Variants in SCML4 observed in about 807,000 individuals in gnomAD.
The protein encoded by SCML4 is Scm polycomb group protein like 4.
A neutral mutation model predicts 41.1 loss-of-function variants in SCML4; 34 were observed. The observed-to-expected ratio is 0.83, with a 90% CI of 0.63 to 1.10. The LOEUF (loss-of-function observed/expected upper bound fraction) is 1.10. Ranked by LOEUF, SCML4 falls within the 50% of genes least tolerant of loss-of-function variation. The pLI is 0.00. For synonymous variants in SCML4, 214 were observed against 220.9 expected (o/e 0.97, Z 0.28); for missense variants, 522 against 534.1 (o/e 0.98, Z 0.22).
intron 1 of SCML4, among the ~76,000 whole-genome samples, chr6:107,786,422 C>A (rs974828797): frequency 1.3e-5 from 2 of 152,202 alleles, no homozygotes; most frequent in Admixed American, 6.5e-5. Context: ...GCTCCTCCCC[C>A]ACAGTCTTGC....
intron 5 of SCML4, among the ~76,000 whole-genome samples, chr6:107,723,815 A>G (rs185611040): frequency 4.8e-4 from 73 of 152,298 alleles, no homozygotes; most frequent in African/African-American, 1.7e-3. Flanking sequence ...ACTTCTACGA[A>G]GCCAGGATTA....
chr6:107,803,740 G>A (rs1295738342), intron 1 of SCML4, among the ~76,000 whole-genome samples: 4 of 149,944 alleles, frequency 2.7e-5, no homozygotes, highest in Non-Finnish European at 5.9e-5. Context: ...CTGTTGATCT[G>A]TGACCTTACC....
At chr6:107,731,748 C>T (rs1168152859) in intron 5 of SCML4, among the ~76,000 whole-genome samples, 1 of 152,218 alleles carries the variant, frequency 6.6e-6, no homozygotes, top group Non-Finnish European at 1.5e-5. Flanking sequence ...GATTCCTAGC[C>T]CTGAAACCCA....
At position 107,796,236 on chromosome 6, in the gene SCML4, A is replaced by G. The variant is rs115298559; in HGVS notation, c.-59-23850T>C. 3.8e-3 allele frequency among the ~76,000 whole-genome samples: 581 copies of G among 152,262 alleles called. 6 individuals are homozygous for G. Among genetic ancestry groups the G allele is most frequent in the African/African-American group, 0.013 (547 of 41,552 alleles). On this transcript the variant is annotated intron_variant, in intron 1 of 7. Coordinates refer to ENST00000369020, the MANE Select transcript of SCML4 (RefSeq NM_198081.5). ...CGTAGGGTAGGTTATGTTTAACTTT[A>G]TAAAGAACTGCCAATTTTCCAATGG...
At chr6:107,743,477 T>C (rs1777776007) in intron 5 of SCML4, among the ~76,000 whole-genome samples, 1 of 152,232 alleles carries the variant, frequency 6.6e-6, no homozygotes, top group Non-Finnish European at 1.5e-5. Flanking sequence ...CTATTCTCAT[T>C]GCAACACTCA....
At chr6:107,714,814 T>C (rs2114372813) in intron 6 of SCML4, among the ~76,000 whole-genome samples, 1 of 152,028 alleles carries the variant, frequency 6.6e-6, no homozygotes, top group South Asian at 2.1e-4. Context: ...TGTCATTCCA[T>C]AAATGGCCAG....
chr6:107,744,939 C>T lies in SCML4; in HGVS notation c.682+10G>A, dbSNP rs1177168353. ...GTCCCTGCAGGTGGGGGAAGCAGGA[C>T]AAGGCCTACCTGATTCCATCCTCCC... On this transcript the variant is annotated intron_variant, in intron 5 of 7. Coordinates refer to ENST00000369020, the MANE Select transcript of SCML4 (RefSeq NM_198081.5). The T allele has an allele frequency of 1.9e-6, 3 of 1,587,312 alleles. No individual in the cohort carries two copies. The highest frequency in any genetic ancestry group is 2.3e-5 in the South Asian group (2 of 86,770).
intron 1 of SCML4, among the ~76,000 whole-genome samples, chr6:107,804,855 A>T (rs1213783604): frequency 6.6e-6 from 1 of 152,184 alleles, no homozygotes; most frequent in Non-Finnish European, 1.5e-5. Context: ...CTGTGGTCCC[A>T]GCTGCTTGGG....
intron 1 of SCML4, among the ~76,000 whole-genome samples, chr6:107,784,480 A>G (rs931539037): frequency 6.6e-6 from 1 of 152,238 alleles, no homozygotes; most frequent in Non-Finnish European, 1.5e-5. Flanking sequence ...TTTCACATCT[A>G]TACATGCATG....
chr6:107,837,905 CT>C, the SCML4 span, among the ~76,000 whole-genome samples: 72,156 of 114,578 alleles, frequency 0.63, 23,076 homozygotes, highest in South Asian at 0.77. Flanking sequence ...TTATGATTTT[CT>C]TTTTTTTTTT....
chr6:107,744,924 G>T, intron 5 of SCML4, 25 bp downstream of exon 5: 3 of 1,545,300 alleles, frequency 1.9e-6, no homozygotes, highest in Non-Finnish European at 1.8e-6. Context: ...GTCCCTGCAG[G>T]TGGGGGAAGC....
At chr6:107,798,897 G>A (rs1461773291) in intron 1 of SCML4, among the ~76,000 whole-genome samples, 2 of 151,894 alleles carry the variant, frequency 1.3e-5, no homozygotes, top group Non-Finnish European at 2.9e-5. Context: ...ACATATTTGG[G>A]GTTTTCCTGA....
At chr6:107,747,089 G>T (rs183244942) in intron 3 of SCML4, among the ~76,000 whole-genome samples, 200 bp from the exon 4 acceptor site, 387 of 152,348 alleles carry the variant, frequency 2.5e-3, no homozygotes, top group Admixed American at 5.7e-3. Flanking sequence ...AAGTGCCAGG[G>T]CCTGACCTCG....
the SCML4 span, among the ~76,000 whole-genome samples, chr6:107,841,388 C>T: frequency 0.46 from 69,280 of 152,116 alleles, 18,324 homozygotes; most frequent in East Asian, 0.69. Context: ...AGTTGTAAAT[C>T]GGCCAAGTAC....
At position 107,760,126 on chromosome 6, in the gene SCML4, T is replaced by C. The variant is rs1242085517; in HGVS notation, c.157-10313A>G. On this transcript the variant is annotated intron_variant, in intron 2 of 7. Transcript: ENST00000369020. The stretch of plus-strand genomic sequence containing the variant: ...TAAAGAATTTGAGTCAAAACCAGTG[T>C]TAGCACCATATTTGGAATGTTAATT... Among the ~76,000 whole-genome samples the C allele has an allele frequency of 5.9e-5, 9 of 152,198 alleles. No individual in the cohort carries two copies. In the East Asian group the frequency reaches 1.7e-3, roughly 29 times the overall value.
chr6:107,705,129 G>A lies in SCML4; in HGVS notation c.*71C>T, dbSNP rs1401458054. ...GAGAGTCTAGTTTGTGATGTTGGCGGGATATTGGTAAGGCAGAAGATAATC... is the reference window on the plus strand; with the variant it reads ...GAGAGTCTAGTTTGTGATGTTGGCGAGATATTGGTAAGGCAGAAGATAATC... On this transcript the variant is annotated 3_prime_UTR_variant, in exon 8 of 8. Coordinates refer to ENST00000369020, the MANE Select transcript of SCML4 (RefSeq NM_198081.5). 7.4e-7 allele frequency: 1 copy of A among 1,352,488 alleles called. No individual in the cohort carries two copies. Among genetic ancestry groups the A allele is most frequent in the East Asian group, 2.5e-5 (1 of 40,022 alleles). 83.8% of individuals were successfully genotyped at this position (1,352,488 alleles called of 1,614,324 possible).
chr6:107,803,412 T>G (rs1195211110), intron 1 of SCML4, among the ~76,000 whole-genome samples: 2 of 143,594 alleles, frequency 1.4e-5, no homozygotes, highest in Admixed American at 6.7e-5. Flanking sequence ...AGCCGCCCCA[T>G]CCGGGAGGGA....
At chr6:107,762,538 T>C (rs1779681897) in intron 2 of SCML4, among the ~76,000 whole-genome samples, 1 of 152,200 alleles carries the variant, frequency 6.6e-6, no homozygotes, top group Non-Finnish European at 1.5e-5. Context: ...TTGCAGATGG[T>C]TGAGTTAAGA....
At chr6:107,709,893 A>G (rs1228243716) in intron 6 of SCML4, among the ~76,000 whole-genome samples, 1 of 152,070 alleles carries the variant, frequency 6.6e-6, no homozygotes, top group East Asian at 1.9e-4. Flanking sequence ...GTATTTTAGT[A>G]GAGATGGGGT....
Sources: allele counts gnomAD v4.1 joint callset (sites outside exome capture counted in the v4.1 genomes callset), GRCh38; gene constraint gnomAD v4.1.1; transcripts MANE v1.5; gene names NCBI Gene and HGNC (gene_info 2026-07-23, HGNC 2026-07-21).